The following ADAMTS18 variants were observed in gnomAD, a reference collection of about 807,000 sequenced individuals.
The protein encoded by ADAMTS18 is A disintegrin and metalloproteinase with thrombospondin motifs 18.
ADAMTS18 carries 157 observed loss-of-function variants against 165.9 expected under a neutral mutation model. The observed-to-expected ratio is 0.95, with a 90% confidence interval of 0.83 to 1.08. The LOEUF is 1.08. Ranked by LOEUF, ADAMTS18 falls within the 50% of genes least tolerant of loss-of-function variation. ADAMTS18 has a pLI of 0.00. For missense variants in ADAMTS18, 2,040 were observed against 1,534.0 expected (o/e 1.33, Z -5.51); for synonymous variants, 782 against 578.2 (o/e 1.35, Z -5.06).
At chr16:77,396,972 A>G (rs1457649036) in intron 3 of ADAMTS18, among the ~76,000 whole-genome samples, 1 of 151,826 alleles carries the variant, frequency 6.6e-6, no homozygotes, top group Non-Finnish European at 1.5e-5. Context: ...ACGCCTGGCT[A>G]ATTTTTTTGT....
At chr16:77,404,060 T>C (rs1445506001) in intron 3 of ADAMTS18, among the ~76,000 whole-genome samples, 1 of 137,810 alleles carries the variant, frequency 7.3e-6, no homozygotes, top group African/African-American at 2.6e-5. Context: ...TCCCTTTTCC[T>C]CTGCTTTCTG....
chr16:77,321,726 C>T (rs1427190456), intron 14 of ADAMTS18, among the ~76,000 whole-genome samples: 2 of 152,202 alleles, frequency 1.3e-5, no homozygotes, highest in African/African-American at 4.8e-5. Context: ...TTATTATTTA[C>T]ATTCTTATTT....
intron 22 of ADAMTS18, among the ~76,000 whole-genome samples, chr16:77,286,807 A>G (rs909366002): frequency 1.3e-5 from 2 of 152,124 alleles, no homozygotes; most frequent in African/African-American, 4.8e-5. Context: ...GTTTCAATGC[A>G]GTGTGACACA....
chr16:77,356,665 A>G (rs1013306466), intron 8 of ADAMTS18, among the ~76,000 whole-genome samples: 1 of 152,194 alleles, frequency 6.6e-6, no homozygotes, highest in Non-Finnish European at 1.5e-5. Context: ...ATTGAAGGCT[A>G]TTAAATCTTG....
At chr16:77,297,208 A>C in intron 18 of ADAMTS18, 81 bp downstream of exon 18, 1 of 1,562,118 alleles carries the variant, frequency 6.4e-7, no homozygotes, top group Non-Finnish European at 8.8e-7. Context: ...CAGTATTCAC[A>C]GTGAGCTTTC....
chr16:77,329,324 A>G (rs193187288), intron 12 of ADAMTS18, among the ~76,000 whole-genome samples: 1 of 152,030 alleles, frequency 6.6e-6, no homozygotes. Context: ...GCTGGTCTCA[A>G]ACTCCTGGCC....
intron 7 of ADAMTS18, among the ~76,000 whole-genome samples, chr16:77,360,787 A>T (rs1466245665): frequency 1.3e-5 from 2 of 152,226 alleles, no homozygotes; most frequent in Non-Finnish European, 2.9e-5. Context: ...TTTGAGAAAC[A>T]TAAAAAATAA....
At chr16:77,420,192 C>A (rs561132930) in intron 3 of ADAMTS18, among the ~76,000 whole-genome samples, 46 of 151,100 alleles carry the variant, frequency 3.0e-4, no homozygotes, top group Non-Finnish European at 5.6e-4. Flanking sequence ...TGCATACATG[C>A]TGCAACTAGT....
chr16:77,284,288 G>C lies in ADAMTS18; in HGVS notation c.3551-217C>G, dbSNP rs371231817. 3.9e-4 allele frequency among the ~76,000 whole-genome samples: 60 copies of C among 152,046 alleles called. 1 individual carries two copies. The East Asian group carries it at 9.5e-3, about 24-fold the overall frequency. On this transcript the variant is annotated intron_variant, in intron 22 of 22. Coordinates refer to ENST00000282849, the MANE Select transcript of ADAMTS18 (RefSeq NM_199355.4). ...CTATAGGCAAGTGCCACCAAGCCCA[G>C]CTAATTTTTGTATTTTTAGTAGAGA...
At chr16:77,382,571 A>G (rs1043742975) in intron 3 of ADAMTS18, among the ~76,000 whole-genome samples, 8 of 152,178 alleles carry the variant, frequency 5.3e-5, no homozygotes, top group African/African-American at 1.9e-4. Context: ...TGGTTTGGTC[A>G]TGAAGACTTT....
intron 22 of ADAMTS18, among the ~76,000 whole-genome samples, chr16:77,288,105 G>A (rs1597077016): frequency 6.6e-6 from 1 of 152,088 alleles, no homozygotes; most frequent in Non-Finnish European, 1.5e-5. Flanking sequence ...CGTGCCCATT[G>A]TGGTATTAGG....
intron 22 of ADAMTS18, among the ~76,000 whole-genome samples, chr16:77,285,600 C>G (rs1026700599): frequency 3.3e-5 from 5 of 151,826 alleles, no homozygotes; most frequent in Admixed American, 2.0e-4. Flanking sequence ...CCTTTTTATA[C>G]ATCCCCTTCA....
At chr16:77,288,632 C>T (rs572623777) in intron 22 of ADAMTS18, among the ~76,000 whole-genome samples, 1 of 152,206 alleles carries the variant, frequency 6.6e-6, no homozygotes, top group East Asian at 1.9e-4. Context: ...CTTTTGATTT[C>T]TGAATTTTTT....
At position 77,300,256 on chromosome 16, in the gene ADAMTS18, C is replaced by G. The variant is rs957615691; in HGVS notation, c.2674+7G>C. The G allele has an allele frequency of 1.2e-6, 2 of 1,613,842 alleles. No homozygotes were observed. Among genetic ancestry groups the G allele is most frequent in the African/African-American group, 1.3e-5 (1 of 74,916 alleles). On this transcript the variant is annotated splice_region_variant and intron_variant, in intron 17 of 22. Transcript: ENST00000282849. Reference sequence around the variant, plus strand: ...GACTTTGGAGACAGAATGAGAAAATCATCTACCTCCACCACAGGAGACGGA... The same window carrying G: ...GACTTTGGAGACAGAATGAGAAAATGATCTACCTCCACCACAGGAGACGGA...
At position 77,294,930 on chromosome 16, in the gene ADAMTS18, C is replaced by G. The variant is rs201049858; in HGVS notation, c.2999G>C (p.Trp1000Ser). Residue 1000 changes from tryptophan to serine, a missense_variant, in exon 19 of 23, where the codon TGG becomes TCG. Transcript: ENST00000282849. ...CAAGTTTTCTCCTGTTACCTGAGACCAGGGTCCAAGGCTCCATTGTGGAGG... is the reference window on the plus strand; with the variant it reads ...CAAGTTTTCTCCTGTTACCTGAGACGAGGGTCCAAGGCTCCATTGTGGAGG... ...ACPPQWSLGP[W>S]SQCSKTCGRG... 9.3e-6 allele frequency: 15 copies of G among 1,614,128 alleles called. No individual in the cohort carries two copies. The highest frequency in any genetic ancestry group is 1.3e-5 in the African/African-American group (1 of 75,050).
At position 77,319,969 on chromosome 16, in the gene ADAMTS18, C is replaced by G. The variant is rs766944205; in HGVS notation, c.2412G>C (p.Trp804Cys). The change falls in exon 16 of 23, where the codon TGG (tryptophan) becomes TGC (cysteine). Residue 804 changes from tryptophan to cysteine, a missense_variant. Physicochemically the swap from Trp to Cys is radical, Grantham distance 215. Coordinates refer to ENST00000282849, the MANE Select transcript of ADAMTS18 (RefSeq NM_199355.4). ...LSQKYYLTGGWSIDWPGEFPF... is the reference protein window; with the variant it reads ...LSQKYYLTGGCSIDWPGEFPF... ...GGAACTCCCCAGGCCAGTCGATGCT[C>G]CAGCCCCCGGTGAGGTAATACTTTT... The G allele has an allele frequency of 4.2e-5, 68 of 1,614,078 alleles. No homozygotes were observed. Among genetic ancestry groups the G allele is most frequent in the Non-Finnish European group, 5.8e-5 (68 of 1,180,048 alleles).
At position 77,295,019 on chromosome 16, in the gene ADAMTS18, C is replaced by T. The variant is rs1292169794; in HGVS notation, c.2910G>A (p.Val970=). The T allele has an allele frequency of 1.2e-6, 2 of 1,614,040 alleles. No individual in the cohort carries two copies. Among genetic ancestry groups the T allele is most frequent in the African/African-American group, 2.7e-5 (2 of 74,918 alleles). The stretch of plus-strand genomic sequence containing the variant: ...TGCTCACTGGACAGAGAGAATGCAA[C>T]ACTGCTTCCTCCTTTTGGAAGGGCT... The part of the protein sequence containing the change: ...QKKPFQKEEA[V]LHSLCPVSTP... Residue 970 remains valine, a synonymous_variant, in exon 19 of 23, where the codon GTG becomes GTA. Coordinates refer to ENST00000282849, the MANE Select transcript of ADAMTS18 (RefSeq NM_199355.4).
chr16:77,403,386 A>C (rs575171051), intron 3 of ADAMTS18, among the ~76,000 whole-genome samples: 1 of 152,300 alleles, frequency 6.6e-6, no homozygotes, highest in Admixed American at 6.5e-5. Flanking sequence ...CAATGTCACA[A>C]CAATTTTATC....
Position 77,283,711 on chromosome 16 carries a change from G to C in ADAMTS18, c.*245C>G, listed in dbSNP as rs368614258. ...CTTGCATATAACAGTGCAAATCAAA[G>C]ATTTTTTTTAAAGTCAGATTTGTCA... On this transcript the variant is annotated 3_prime_UTR_variant, in exon 23 of 23. Transcript: ENST00000282849. 6.0e-6 allele frequency: 3 copies of C among 497,602 alleles called. No individual in the cohort carries two copies. Among genetic ancestry groups the C allele is most frequent in the East Asian group, 3.8e-5 (1 of 26,630 alleles). The allele number at this position is 497,602 out of a possible 1,614,324, so 30.8% of individuals were successfully genotyped here.
Sources: gnomAD v4.1 joint callset for allele counts (sites outside exome capture counted in the v4.1 genomes callset) on GRCh38, gnomAD v4.1.1 for gene constraint, MANE v1.5 for transcripts, NCBI Gene and HGNC (gene_info 2026-07-23, HGNC 2026-07-21) for gene names.